Variants in ACTR3C observed in about 807,000 individuals in gnomAD.
The protein encoded by ACTR3C is actin-related protein 3C.
ACTR3C carries 18 observed loss-of-function variants against 26.3 expected under a neutral mutation model. The observed-to-expected ratio is 0.68, with a 90% confidence interval of 0.47 to 1.01. ACTR3C has a LOEUF of 1.01. ACTR3C is among the 50% of genes least tolerant of loss of function. The probability of loss-of-function intolerance (pLI) is 0.00; values close to 1 mark genes in which losing one functional copy is unlikely to be tolerated. For synonymous variants in ACTR3C, 55 were observed against 94.5 expected, an observed-to-expected ratio of 0.58 and a Z score of 2.42; for missense variants, 184 against 250.7, an observed-to-expected ratio of 0.73 and a Z score of 1.80.
At chr7:150,138,128 C>T in the ACTR3C span, among the ~76,000 whole-genome samples, 5 of 152,128 alleles carry the variant, frequency 3.3e-5, no homozygotes, top group East Asian at 1.9e-4. Flanking sequence ...ACCCAGCTCA[C>T]GTAAGGGGCT....
At chr7:150,277,711 A>G (rs139879992) in intron 6 of ACTR3C, among the ~76,000 whole-genome samples, 5,348 of 151,614 alleles carry the variant, frequency 0.035, 129 homozygotes, top group South Asian at 0.086. Context: ...CCACTTGTCA[A>G]GCTCTCACCT....
chr7:149,972,125 G>A, the ACTR3C span, among the ~76,000 whole-genome samples: 5 of 152,132 alleles, frequency 3.3e-5, no homozygotes, highest in Non-Finnish European at 5.9e-5. Flanking sequence ...GGCATCTCAC[G>A]GATCTCCCAG....
chr7:150,261,293 G>C (rs1226790054), intron 6 of ACTR3C, among the ~76,000 whole-genome samples: 1 of 152,100 alleles, frequency 6.6e-6, no homozygotes, highest in African/African-American at 2.4e-5. Context: ...AGCAGAAAAG[G>C]AAATCAGATG....
rs1366323158 is a variant in ACTR3C, at chr7:150,274,302, C to T, written c.564+10451G>A. ...AGCAGGTCTGTCAGCGCCATTTTCCCAAAAGCACACGCTCACTTCGTGTCT... is the reference window on the plus strand; with the variant it reads ...AGCAGGTCTGTCAGCGCCATTTTCCTAAAAGCACACGCTCACTTCGTGTCT... On this transcript the variant is annotated intron_variant, in intron 6 of 7. Transcript: ENST00000683684. This position sits in a 1 kb window ranked among gnomAD's most constrained non-coding sequence, Gnocchi z 4.1. Among the ~76,000 whole-genome samples, 2 of 152,140 alleles carry T rather than the reference C, an allele frequency of 1.3e-5. No homozygotes were observed. Among genetic ancestry groups the T allele is most frequent in the Non-Finnish European group, 2.9e-5 (2 of 68,022 alleles).
At chr7:150,026,937 C>T in the ACTR3C span, among the ~76,000 whole-genome samples, 5 of 152,210 alleles carry the variant, frequency 3.3e-5, no homozygotes, top group South Asian at 1.0e-3. Context: ...TCACAACTAT[C>T]TTCTGAGAAA....
chr7:150,273,839 A>G (rs9655596), intron 6 of ACTR3C, among the ~76,000 whole-genome samples: 10,927 of 150,344 alleles, frequency 0.073, 132 homozygotes, highest in South Asian at 0.15. Flanking sequence ...GAAAGCCCTC[A>G]CTCACCACCT....
At chr7:150,039,909 TC>T in the ACTR3C span, among the ~76,000 whole-genome samples, 3 of 114,272 alleles carry the variant, frequency 2.6e-5, no homozygotes, top group Non-Finnish European at 5.8e-5. Context: ...GGGTGCCTCC[TC>T]CCCTGCGATG....
At chr7:149,969,078 G>A in the ACTR3C span, among the ~76,000 whole-genome samples, 22 of 152,068 alleles carry the variant, frequency 1.4e-4, no homozygotes, top group African/African-American at 4.8e-4. Flanking sequence ...GGTCAGGTGT[G>A]GCTTAGCCTG....
the ACTR3C span, among the ~76,000 whole-genome samples, chr7:150,146,273 T>C: frequency 1.3e-5 from 2 of 152,030 alleles, no homozygotes; most frequent in African/African-American, 4.8e-5. Flanking sequence ...ATTTTGCCGG[T>C]GTCAATGCTA....
the ACTR3C span, among the ~76,000 whole-genome samples, chr7:150,135,865 GGAAAAGGAAAAGAAAA>G: frequency 6.6e-6 from 1 of 151,198 alleles, no homozygotes; most frequent in Non-Finnish European, 1.5e-5. Context: ...AAAAGGAAAA[GGAAAAGGAAAAGAAAA>G]GAAAAGAAAA....
the ACTR3C span, among the ~76,000 whole-genome samples, chr7:150,068,782 CAAAAAAA>C: frequency 1.3e-5 from 1 of 76,758 alleles, no homozygotes; most frequent in African/African-American, 4.3e-5. Flanking sequence ...GACTCCGTCC[CAAAAAAA>C]AAAAAAAAAA....
At chr7:150,049,342 G>C in the ACTR3C span, among the ~76,000 whole-genome samples, 2 of 152,094 alleles carry the variant, frequency 1.3e-5, no homozygotes. Context: ...CTTCCCGGCC[G>C]GGAAGGACCT....
At chr7:150,287,360 A>G (rs1412176085) in intron 4 of ACTR3C, among the ~76,000 whole-genome samples, 1 of 151,948 alleles carries the variant, frequency 6.6e-6, no homozygotes, top group Non-Finnish European at 1.5e-5. Flanking sequence ...AGCCGCCAGG[A>G]TGCTGCTGCT....
chr7:150,146,560 C>T, the ACTR3C span, among the ~76,000 whole-genome samples: 2,876 of 152,094 alleles, frequency 0.019, 84 homozygotes, highest in African/African-American at 0.063. Context: ...TTTCTTTTTT[C>T]GGCTGCTCTT....
the ACTR3C span, among the ~76,000 whole-genome samples, chr7:149,900,444 A>G: frequency 0.37 from 55,942 of 151,544 alleles, 10,474 homozygotes; most frequent in East Asian, 0.42. Context: ...CAAAGTGCTG[A>G]GATTACAGGC....
the ACTR3C span, among the ~76,000 whole-genome samples, chr7:149,941,855 A>G: frequency 1.3e-5 from 2 of 152,098 alleles, no homozygotes; most frequent in Admixed American, 1.3e-4. Flanking sequence ...AGCCCTGCCT[A>G]TGGAAAACCA....
At chr7:149,965,639 C>A in the ACTR3C span, among the ~76,000 whole-genome samples, 1 of 152,236 alleles carries the variant, frequency 6.6e-6, no homozygotes, top group South Asian at 2.1e-4. Context: ...TCATCAGTCA[C>A]AACTGACGTT....
At chr7:150,040,181 T>G in the ACTR3C span, among the ~76,000 whole-genome samples, 6 of 148,262 alleles carry the variant, frequency 4.0e-5, no homozygotes, top group Admixed American at 1.3e-4. Flanking sequence ...TATTTGCTTC[T>G]TGTACTAGCA....
At chr7:149,924,123 C>T in the ACTR3C span, among the ~76,000 whole-genome samples, 1 of 151,372 alleles carries the variant, frequency 6.6e-6, no homozygotes, top group African/African-American at 2.4e-5. Context: ...TGCCTGTAAT[C>T]CCAGCACTTT....
Sources: allele counts gnomAD v4.1 joint callset (sites outside exome capture counted in the v4.1 genomes callset), GRCh38; gene constraint gnomAD v4.1.1; non-coding constraint Gnocchi (gnomAD v3.1); transcripts MANE v1.5; gene names NCBI Gene and HGNC (gene_info 2026-07-23, HGNC 2026-07-21).